Variants in PLPPR4 observed in about 807,000 individuals in gnomAD.
PLPPR4 encodes phospholipid phosphatase-related protein type 4.
A neutral mutation model predicts 56.6 loss-of-function variants in PLPPR4; 24 were observed. That is an observed-to-expected ratio of 0.42 (90% CI 0.31 to 0.60). The LOEUF is 0.60. Ranked by LOEUF, PLPPR4 falls within the 20% of genes least tolerant of loss-of-function variation. The probability of loss-of-function intolerance (pLI) is 0.13; values close to 1 mark genes in which losing one functional copy is unlikely to be tolerated. For synonymous variants in PLPPR4, 326 were observed against 328.1 expected (o/e 0.99, Z 0.07); for missense variants, 654 against 885.8 (o/e 0.74, Z 3.32).
At chr1:99,299,309 C>A (rs1266602020) in intron 4 of PLPPR4, 79 bp downstream of exon 4, 1 of 966,482 alleles carries the variant, frequency 1.0e-6, no homozygotes, top group Non-Finnish European at 1.6e-6. Context: ...TTTAAGCATG[C>A]CTCTTTCAGT....
intron 6 of PLPPR4, 79 bp from the exon 7 acceptor site, chr1:99,305,606 T>C: frequency 7.2e-7 from 1 of 1,383,968 alleles, no homozygotes; most frequent in Non-Finnish European, 9.9e-7. Context: ...CCTATGTATG[T>C]ACTTCAGTGG....
chr1:99,267,951 TAAGA>T (rs1658947096), intron 1 of PLPPR4, among the ~76,000 whole-genome samples: 1 of 152,204 alleles, frequency 6.6e-6, no homozygotes, highest in African/African-American at 2.4e-5. Flanking sequence ...AGTTTCTCTT[TAAGA>T]AAGAGGCCAT....
intron 1 of PLPPR4, among the ~76,000 whole-genome samples, chr1:99,268,409 G>A (rs1253160741): frequency 6.6e-6 from 1 of 152,216 alleles, no homozygotes; most frequent in East Asian, 1.9e-4. Context: ...GAGTGTCAAG[G>A]TATCTCTAAT....
intron 6 of PLPPR4, among the ~76,000 whole-genome samples, chr1:99,302,924 T>C (rs1659922159): frequency 6.6e-6 from 1 of 151,772 alleles, no homozygotes; most frequent in Non-Finnish European, 1.5e-5. Flanking sequence ...TTGTTGGACA[T>C]TTGGGTTGGT....
chr1:99,288,277 GAGATAT>G, intron 2 of PLPPR4, 127 bp downstream of exon 2: 2 of 745,348 alleles, frequency 2.7e-6, no homozygotes, highest in Non-Finnish European at 4.3e-6. Context: ...TCATGTCTTT[GAGATAT>G]ATTGACAGTA....
intron 2 of PLPPR4, among the ~76,000 whole-genome samples, chr1:99,293,126 TG>T (rs1412797508): frequency 1.3e-5 from 2 of 151,890 alleles, no homozygotes; most frequent in Non-Finnish European, 2.9e-5. Context: ...CCACGTGGAG[TG>T]GGGGTAAGGC....
chr1:99,271,338 T>G (rs1659055931), intron 1 of PLPPR4, among the ~76,000 whole-genome samples: 1 of 152,152 alleles, frequency 6.6e-6, no homozygotes. Flanking sequence ...AGCAATGAAG[T>G]GAGGGAGTCA....
At chr1:99,274,549 G>C (rs1659136365) in intron 1 of PLPPR4, among the ~76,000 whole-genome samples, 1 of 152,122 alleles carries the variant, frequency 6.6e-6, no homozygotes, top group Admixed American at 6.6e-5. Flanking sequence ...GCATACAATG[G>C]TGGAGCAGTT....
At chr1:99,269,997 TTGTGTGTG>T (rs10612152) in intron 1 of PLPPR4, among the ~76,000 whole-genome samples, 7,108 of 134,460 alleles carry the variant, frequency 0.053, 193 homozygotes, top group Non-Finnish European at 0.06. Flanking sequence ...TTCATTCCTT[TTGTGTGTG>T]TGTGTGTGTG....
At chr1:99,265,153 C>CA (rs1031217289) in intron 1 of PLPPR4, among the ~76,000 whole-genome samples, 1 of 148,280 alleles carries the variant, frequency 6.7e-6, no homozygotes, top group Non-Finnish European at 1.5e-5. Context: ...TGCCCCCCCC[C>CA]CCCAAATCCT....
chr1:99,281,963 TTTAAC>T, intron 1 of PLPPR4, among the ~76,000 whole-genome samples: 1 of 152,298 alleles, frequency 6.6e-6, no homozygotes. Flanking sequence ...ACTAAAATAA[TTTAAC>T]CTTGAAATCT....
At chr1:99,283,423 G>C (rs138314790) in intron 1 of PLPPR4, among the ~76,000 whole-genome samples, 13 of 152,236 alleles carry the variant, frequency 8.5e-5, no homozygotes, top group Non-Finnish European at 1.8e-4. Flanking sequence ...CACTAAAATG[G>C]ATATATAATC....
At chr1:99,298,143 G>A (rs1659789005) in intron 3 of PLPPR4, among the ~76,000 whole-genome samples, 1 of 152,116 alleles carries the variant, frequency 6.6e-6, no homozygotes, top group South Asian at 2.1e-4. Context: ...AGCACTCTTG[G>A]TCTGGAGGCG....
chr1:99,262,954 G>A (rs1658798895), upstream of PLPPR4, among the ~76,000 whole-genome samples: 1 of 152,180 alleles, frequency 6.6e-6, no homozygotes, highest in Admixed American at 6.5e-5. Context: ...AGAGATGGCG[G>A]TCGCTGTGTG....
intron 1 of PLPPR4, among the ~76,000 whole-genome samples, chr1:99,280,952 C>T (rs943857242): frequency 2.0e-5 from 3 of 151,974 alleles, no homozygotes; most frequent in Non-Finnish European, 2.9e-5. Context: ...AATGGGGCAC[C>T]ATTAAATGCA....
At position 99,264,582 on chromosome 1, in the gene PLPPR4, C is replaced by T. The variant is rs1186399162; in HGVS notation, c.-12C>T. 4 of 1,550,732 alleles carry T rather than the reference C, an allele frequency of 2.6e-6. No homozygotes were observed. The East Asian group carries it at 7.3e-5, about 28-fold the overall frequency. Reference sequence around the variant, plus strand: ...GCCCGGGGGAGGACGCAGACCCGGGCAGGCGGCAGGGATGTCGGCGAAGGA... The same window carrying T: ...GCCCGGGGGAGGACGCAGACCCGGGTAGGCGGCAGGGATGTCGGCGAAGGA... On this transcript the variant is annotated 5_prime_UTR_variant, in exon 1 of 7. Coordinates refer to ENST00000370185, the MANE Select transcript of PLPPR4 (RefSeq NM_014839.5).
intron 6 of PLPPR4, among the ~76,000 whole-genome samples, chr1:99,304,450 C>T (rs1417580790): frequency 9.9e-5 from 15 of 152,180 alleles, no homozygotes; most frequent in Non-Finnish European, 2.9e-5. Flanking sequence ...CATTAAATGA[C>T]ACATGGCTGT....
intron 6 of PLPPR4, among the ~76,000 whole-genome samples, 193 bp downstream of exon 6, chr1:99,302,090 GA>G (rs1487092800): frequency 6.6e-6 from 1 of 152,050 alleles, no homozygotes; most frequent in Non-Finnish European, 1.5e-5. Flanking sequence ...CTATGAGCCA[GA>G]AATTGTAATT....
intron 1 of PLPPR4, among the ~76,000 whole-genome samples, chr1:99,277,571 C>T (rs777969480): frequency 1.1e-4 from 16 of 152,034 alleles, no homozygotes; most frequent in Non-Finnish European, 2.4e-4. Flanking sequence ...ATGAATTATC[C>T]ATTTGTAAAC....
Sources: gnomAD v4.1 joint callset for allele counts (sites outside exome capture counted in the v4.1 genomes callset) on GRCh38, gnomAD v4.1.1 for gene constraint, MANE v1.5 for transcripts, NCBI Gene and HGNC (gene_info 2026-07-23, HGNC 2026-07-21) for gene names.